The following GCNT3 variants were observed in gnomAD, a reference collection of about 807,000 sequenced individuals.
GCNT3 encodes glucosaminyl (N-acetyl) transferase 3, mucin type, also known as beta-1,3-galactosyl-O-glycosyl-glycoprotein beta-1,6-N-acetylglucosaminyltransferase 3.
For synonymous variants in GCNT3, 269 were observed against 195.2 expected (o/e 1.38, Z -3.15); for missense variants, 708 against 530.3 (o/e 1.34, Z -3.29).
chr15:59,612,845 G>A (rs2082702467), intron 1 of GCNT3, among the ~76,000 whole-genome samples: 1 of 152,048 alleles, frequency 6.6e-6, no homozygotes, highest in South Asian at 2.1e-4. Flanking sequence ...GTCTTATTCT[G>A]CCTGAGGTGC....
In GCNT3 at chr15:59,621,069, A is replaced by C. The variant is rs1236105804; in HGVS notation, c.*1514A>C. ...AGCTGATTTTTGTGTATTTTTAGTAAAGATGGGGTTTCACCATGTTGGCCA... is the reference window on the plus strand; with the variant it reads ...AGCTGATTTTTGTGTATTTTTAGTACAGATGGGGTTTCACCATGTTGGCCA... On this transcript the variant is annotated 3_prime_UTR_variant, in exon 3 of 3. Coordinates refer to ENST00000396065, the MANE Select transcript of GCNT3 (RefSeq NM_004751.3). The C allele has an allele frequency of 1.3e-5, 2 of 151,136 alleles. No homozygotes were observed. Among genetic ancestry groups the C allele is most frequent in the African/African-American group, 2.4e-5 (1 of 41,124 alleles). 9.4% of individuals were successfully genotyped at this position (151,136 alleles called of 1,614,324 possible).
chr15:59,621,220 A>G lies in GCNT3; in HGVS notation c.*1665A>G, dbSNP rs1167045470. ...TCAAAACTCTTATTTCAGAATGCGA[A>G]TGGAAGGATCGCTATTAGTGATTCT... On this transcript the variant is annotated 3_prime_UTR_variant, in exon 3 of 3. Coordinates refer to ENST00000396065, the MANE Select transcript of GCNT3 (RefSeq NM_004751.3). The G allele has an allele frequency of 6.6e-6, 1 of 151,938 alleles. No homozygotes were observed. Among genetic ancestry groups the G allele is most frequent in the Non-Finnish European group, 1.5e-5 (1 of 67,984 alleles). 9.4% of individuals were successfully genotyped at this position (151,938 alleles called of 1,614,324 possible).
At position 59,619,138 on chromosome 15, in the gene GCNT3, G is replaced by T. The variant is rs755424320; in HGVS notation, c.900G>T (p.Val300=). The change falls in exon 3 of 3, where the codon GTG becomes GTT. Residue 300 remains valine, a synonymous_variant. Coordinates refer to ENST00000396065, the MANE Select transcript of GCNT3 (RefSeq NM_004751.3). ...TGTTTACAGGGAATGCGTACATTGT[G>T]GCTTCCCGAGATTTCGTCCAACATG... The part of the protein sequence containing the change: ...LTMFTGNAYI[V]ASRDFVQHVL... 57 of 1,613,958 alleles carry T rather than the reference G, an allele frequency of 3.5e-5. No individual in the cohort carries two copies. Among genetic ancestry groups the T allele is most frequent in the Non-Finnish European group, 2.1e-5 (25 of 1,180,022 alleles).
At chr15:59,612,453 C>G (rs1376426115) in intron 1 of GCNT3, among the ~76,000 whole-genome samples, 1 of 152,176 alleles carries the variant, frequency 6.6e-6, no homozygotes, top group African/African-American at 2.4e-5. Flanking sequence ...GTCATCCTTT[C>G]AGTTCTTGGG....
At chr15:59,614,391 G>A (rs576971434) in intron 1 of GCNT3, among the ~76,000 whole-genome samples, 118 of 151,726 alleles carry the variant, frequency 7.8e-4, no homozygotes, top group African/African-American at 1.9e-3. Flanking sequence ...GGGCGAGTCC[G>A]TAAAGTGAAA....
rs71119496 is a variant in GCNT3, at chr15:59,621,592, GTT to G, written c.*2053_*2054del. The G allele has an allele frequency of 4.5e-4, 53 of 118,842 alleles. No individual in the cohort carries two copies. The highest frequency in any genetic ancestry group is 1.6e-3 in the African/African-American group (51 of 31,648). 7.4% of individuals were successfully genotyped at this position (118,842 alleles called of 1,614,324 possible). On this transcript the variant is annotated 3_prime_UTR_variant, in exon 3 of 3. Transcript: ENST00000396065. The stretch of plus-strand genomic sequence containing the variant: ...ATATGTTTCTTCCTTTCTGATTTTT[GTT>G]TTTTTTTTTTTTTTTGAGACAGAGT...
rs773363536 is a variant in GCNT3 at position 59,619,430 on chromosome 15, T to C, written c.1192T>C (p.Leu398=). Residue 398 remains leucine, a synonymous_variant, in exon 3 of 3, where the codon TTG becomes CTG. Transcript: ENST00000396065. ...TATCTGCGTTTATGGGGCTGGGGAC[T>C]TGAATTGGATGCTTCAAAACCATCA... ...RAICVYGAGD[L]NWMLQNHHLL... is the part of the protein sequence containing the mutation. 6.2e-7 allele frequency: 1 copy of C among 1,614,140 alleles called. No homozygotes were observed. Among genetic ancestry groups the C allele is most frequent in the South Asian group, 1.1e-5 (1 of 91,078 alleles).
chr15:59,613,573 T>TAAATAAATAA (rs1491405245), intron 1 of GCNT3, among the ~76,000 whole-genome samples: 3 of 132,346 alleles, frequency 2.3e-5, no homozygotes, highest in Non-Finnish European at 4.8e-5. Flanking sequence ...AATAAATAAA[T>TAAATAAATAA]AAATAAAAAT....
At position 59,619,159 on chromosome 15, in the gene GCNT3, A is replaced by T; in HGVS notation, c.921A>T (p.Gln307His). 3 of 1,614,164 alleles carry T rather than the reference A, an allele frequency of 1.9e-6. No homozygotes were observed. Among genetic ancestry groups the T allele is most frequent in the Non-Finnish European group, 2.5e-6 (3 of 1,180,030 alleles). ...TTGTGGCTTCCCGAGATTTCGTCCA[A>T]CATGTTTTGAAGAACCCTAAATCCC... ...AYIVASRDFV[Q>H]HVLKNPKSQQ... Residue 307 changes from glutamine to histidine, a missense_variant, in exon 3 of 3, where the codon CAA becomes CAT. Gln to His is a conservative substitution (Grantham distance 24). Transcript: ENST00000396065.
At chr15:59,612,959 G>A (rs1180880414) in intron 1 of GCNT3, among the ~76,000 whole-genome samples, 3 of 151,622 alleles carry the variant, frequency 2.0e-5, no homozygotes, top group African/African-American at 2.4e-5. Flanking sequence ...ACTTCTGCTT[G>A]GTCCAGAGTT....
In GCNT3 at chr15:59,616,732, T is replaced by A. The variant is rs1409752715; in HGVS notation, c.-210T>A. 1.3e-5 allele frequency: 2 copies of A among 152,210 alleles called. No homozygotes were observed. The highest frequency in any genetic ancestry group is 4.8e-5 in the African/African-American group (2 of 41,432). 9.4% of individuals were successfully genotyped at this position (152,210 alleles called of 1,614,324 possible). ...CTGAAACTGTTCCTTGGACATCTTA[T>A]GAATGTCAGAAAATACCTTTTGGAG... On this transcript the variant is annotated 5_prime_UTR_variant, in exon 2 of 3. It removes an upstream start codon present in the reference 5' UTR. Transcript: ENST00000396065.
intron 1 of GCNT3, among the ~76,000 whole-genome samples, chr15:59,612,483 A>C (rs1301568873): frequency 3.3e-5 from 5 of 151,758 alleles, no homozygotes; most frequent in African/African-American, 9.7e-5. Context: ...TAGCTTCATG[A>C]CTCCTGGGCT....
In GCNT3 at chr15:59,620,688, T is replaced by G. The variant is rs1442979218; in HGVS notation, c.*1133T>G. 1 of 166,964 alleles carries G rather than the reference T, an allele frequency of 6.0e-6. No homozygotes were observed. Among genetic ancestry groups the G allele is most frequent in the East Asian group, 1.9e-4 (1 of 5,208 alleles). 10.3% of individuals were successfully genotyped at this position (166,964 alleles called of 1,614,324 possible). ...CAGCCAAAGCTTAGCTAATGTTCCATAAAGGAGATAATAGCCAATCAGGTA... is the reference window on the plus strand; with the variant it reads ...CAGCCAAAGCTTAGCTAATGTTCCAGAAAGGAGATAATAGCCAATCAGGTA... On this transcript the variant is annotated 3_prime_UTR_variant, in exon 3 of 3. Coordinates refer to ENST00000396065, the MANE Select transcript of GCNT3 (RefSeq NM_004751.3).
Position 59,619,544 on chromosome 15 carries a change from A to G in GCNT3, c.1306A>G (p.Thr436Ala). 6.3e-7 allele frequency: 1 copy of G among 1,586,446 alleles called. No homozygotes were observed. The highest frequency in any genetic ancestry group is 1.1e-5 in the South Asian group (1 of 88,014). The stretch of plus-strand genomic sequence containing the variant: ...CCTACGTTATAAGGCCATCTATGGG[A>G]CTGAACTTTGAGACACACTATGAGA... Reference protein sequence around the residue: ...EYLRYKAIYGTEL With the variant: ...EYLRYKAIYGAEL The change falls in exon 3 of 3, where the codon ACT becomes GCT. Residue 436 changes from threonine (T) to alanine (A), a missense_variant. Transcript: ENST00000396065.
rs1216658746 is a variant in GCNT3 at position 59,618,475 on chromosome 15, G to T, written c.237G>T (p.Glu79Asp). 6.2e-7 allele frequency: 1 copy of T among 1,614,150 alleles called. No homozygotes were observed. Among genetic ancestry groups the T allele is most frequent in the South Asian group, 1.1e-5 (1 of 91,086 alleles). Residue 79 changes from glutamate (E) to aspartate (D), a missense_variant, in exon 3 of 3, where the codon GAG becomes GAT. Transcript: ENST00000396065. ...NCSGVTRGDQ[E>D]AVLQAILNNL... ...CAGGGGTCACCCGAGGGGACCAAGA[G>T]GCAGTGCTTCAGGCTATTCTGAATA...
In GCNT3 at chr15:59,619,684, G is replaced by A; in HGVS notation, c.*129G>A. 1.4e-6 allele frequency: 1 copy of A among 695,392 alleles called. No individual in the cohort carries two copies. The highest frequency in any genetic ancestry group is 2.5e-5 in the East Asian group (1 of 40,198). 43.1% of individuals were successfully genotyped at this position (695,392 alleles called of 1,614,324 possible). A position where few individuals can be genotyped will look rare whatever the true frequency, so the allele number is the denominator to read the frequency against. ...TGGCATCCTTTAGGATAAGAGGGCT[G>A]CTATTAGAGTGTGGGTAAGTAGATC... On this transcript the variant is annotated 3_prime_UTR_variant, in exon 3 of 3. Transcript: ENST00000396065.
In GCNT3 at chr15:59,617,170, C is replaced by CTTTTTTTTTTTTTTTTTTT. The variant is rs373439386; in HGVS notation, c.-61+292_-61+293insTTTTTTTTTTTTTTTTTTT. Reference sequence around the variant, plus strand: ...TTTTTCTTTATTTTTCTTTTGTTTTCTTTCTTTCTTTTTTTTTTTTTAAAG... The same window carrying CTTTTTTTTTTTTTTTTTTT: ...TTTTTCTTTATTTTTCTTTTGTTTTCTTTTTTTTTTTTTTTTTTTTTTCTTTCTTTTTTTTTTTTTAAAG... On this transcript the variant is annotated intron_variant, in intron 2 of 2. Transcript: ENST00000396065. Among the ~76,000 whole-genome samples, 21 of 82,354 alleles carry CTTTTTTTTTTTTTTTTTTT rather than the reference C, an allele frequency of 2.5e-4. 2 individuals carry two copies. The highest frequency in any genetic ancestry group is 3.2e-4 in the African/African-American group (7 of 21,608). 54.0% of individuals were successfully genotyped at this position (82,354 alleles called of 152,430 possible).
chr15:59,615,480 A>T (rs1367518129), intron 1 of GCNT3, among the ~76,000 whole-genome samples: 1 of 152,038 alleles, frequency 6.6e-6, no homozygotes, highest in African/African-American at 2.4e-5. Flanking sequence ...TAATTCCCTC[A>T]ATCTAGGAGT....
rs71119496 is a variant in GCNT3, at chr15:59,621,592, G to GTTTTTTTTTTTTTTTTTT, written c.*2054_*2055insTTTTTTTTTTTTTTTTTT. On this transcript the variant is annotated 3_prime_UTR_variant, in exon 3 of 3. Coordinates refer to ENST00000396065, the MANE Select transcript of GCNT3 (RefSeq NM_004751.3). ...ATATGTTTCTTCCTTTCTGATTTTT[G>GTTTTTTTTTTTTTTTTTT]TTTTTTTTTTTTTTTTTGAGACAGA... The GTTTTTTTTTTTTTTTTTT allele has an allele frequency of 8.4e-6, 1 of 118,830 alleles. No individual in the cohort carries two copies. The highest frequency in any genetic ancestry group is 2.7e-4 in the East Asian group (1 of 3,750). The allele number at this position is 118,830 out of a possible 1,614,324, so 7.4% of individuals were successfully genotyped here.
Sources: gnomAD v4.1 joint callset for allele counts (sites outside exome capture counted in the v4.1 genomes callset) on GRCh38, gnomAD v4.1.1 for gene constraint, MANE v1.5 for transcripts, NCBI Gene and HGNC (gene_info 2026-07-23, HGNC 2026-07-21) for gene names.